The following ANKS1B variants were observed in gnomAD, a reference collection of about 807,000 sequenced individuals.
ANKS1B encodes the protein ankyrin repeat and sterile alpha motif domain containing 1B.
Under a neutral mutation model 148.3 loss-of-function variants are expected in ANKS1B, and 36 were observed. That is an observed-to-expected ratio of 0.24 (90% confidence interval 0.19 to 0.32). The LOEUF is 0.32. ANKS1B is among the 10% of genes least tolerant of loss of function. ANKS1B has a pLI of 1.00. For missense variants in ANKS1B, 1,157 were observed against 1,542.6 expected (o/e 0.75, Z 4.19); for synonymous variants, 542 against 560.8 (o/e 0.97, Z 0.47).
chr12:99,333,461 A>T (rs1388351522), intron 12 of ANKS1B, among the ~76,000 whole-genome samples: 1 of 152,066 alleles, frequency 6.6e-6, no homozygotes, highest in Non-Finnish European at 1.5e-5. Context: ...CTTCATTTTC[A>T]CATCCTAATA....
At chr12:98,738,091 G>A (rs570557233) in intron 9 of ANKS1B, among the ~76,000 whole-genome samples, 6 of 152,194 alleles carry the variant, frequency 3.9e-5, no homozygotes, top group East Asian at 3.9e-4. Flanking sequence ...ATGCTCACAC[G>A]AGAGGGGCAG....
At chr12:99,579,714 G>A (rs1165749527) in intron 9 of ANKS1B, among the ~76,000 whole-genome samples, 1 of 152,150 alleles carries the variant, frequency 6.6e-6, no homozygotes, top group African/African-American at 2.4e-5. Context: ...TGCTTGCAAA[G>A]TTACAGAGAA....
intron 8 of ANKS1B, among the ~76,000 whole-genome samples, chr12:99,736,386 A>T (rs1027063955): frequency 6.6e-6 from 1 of 152,092 alleles, no homozygotes; most frequent in African/African-American, 2.4e-5. Flanking sequence ...CTTCAAACTG[A>T]TAAATTCAGT....
chr12:99,453,147 A>C (rs960727353), intron 10 of ANKS1B, among the ~76,000 whole-genome samples: 3 of 151,956 alleles, frequency 2.0e-5, no homozygotes, highest in Non-Finnish European at 4.4e-5. Flanking sequence ...AAAATTAGCC[A>C]GGCGTGGTGG....
chr12:99,400,890 T>C (rs2094386326), intron 11 of ANKS1B, among the ~76,000 whole-genome samples: 1 of 145,494 alleles, frequency 6.9e-6, no homozygotes, highest in South Asian at 2.1e-4. Flanking sequence ...AATATTCAAA[T>C]TGCTGTCTCT....
chr12:99,118,688 C>T (rs1331776389), intron 15 of ANKS1B, among the ~76,000 whole-genome samples: 6 of 152,156 alleles, frequency 3.9e-5, no homozygotes, highest in African/African-American at 1.4e-4. Flanking sequence ...ATATTTCTAG[C>T]TCACTATCAA....
chr12:99,000,233 G>A (rs958129652), intron 17 of ANKS1B, among the ~76,000 whole-genome samples: 1 of 151,554 alleles, frequency 6.6e-6, no homozygotes, highest in Non-Finnish European at 1.5e-5. Flanking sequence ...GAGAAGTCAG[G>A]TGAAGGGCCT....
chr12:99,265,231 A>T (rs1361690676), intron 12 of ANKS1B, among the ~76,000 whole-genome samples: 2 of 152,166 alleles, frequency 1.3e-5, no homozygotes, highest in Non-Finnish European at 2.9e-5. Context: ...CTGAACACTT[A>T]TTAGAAATGA....
At chr12:98,805,304 G>A (rs2099041701) in intron 20 of ANKS1B, among the ~76,000 whole-genome samples, 1 of 25,122 alleles carries the variant, frequency 4.0e-5, no homozygotes, top group African/African-American at 1.5e-4. Context: ...GTATGCTTAA[G>A]GCCTTTTTTT....
At chr12:99,844,174 T>A (rs901198773) in intron 1 of ANKS1B, among the ~76,000 whole-genome samples, 1 of 152,160 alleles carries the variant, frequency 6.6e-6, no homozygotes, top group African/African-American at 2.4e-5. Context: ...ATTGCAAGAA[T>A]TTTCTCCCAT....
chr12:98,925,754 A>G (rs896250860), intron 17 of ANKS1B, among the ~76,000 whole-genome samples: 7 of 152,114 alleles, frequency 4.6e-5, no homozygotes, highest in Admixed American at 3.9e-4. Flanking sequence ...AGCTCCCCCA[A>G]AATTCCCATT....
intron 10 of ANKS1B, among the ~76,000 whole-genome samples, chr12:99,454,743 A>T (rs773427022): frequency 6.6e-6 from 1 of 152,206 alleles, no homozygotes; most frequent in Non-Finnish European, 1.5e-5. Context: ...AGGATTTATG[A>T]GAAATGCAGG....
intron 22 of ANKS1B, among the ~76,000 whole-genome samples, chr12:98,790,785 A>G (rs978114464): frequency 2.6e-5 from 4 of 152,212 alleles, no homozygotes; most frequent in Non-Finnish European, 4.4e-5. Flanking sequence ...GGTTGCAACA[A>G]TGAACTTTCA....
chr12:99,265,344 C>G (rs928936310), intron 12 of ANKS1B, among the ~76,000 whole-genome samples: 5 of 152,112 alleles, frequency 3.3e-5, no homozygotes, highest in African/African-American at 1.2e-4. Flanking sequence ...TATTCTTAGG[C>G]CTCACTTCAG....
intron 12 of ANKS1B, among the ~76,000 whole-genome samples, chr12:99,374,992 C>T (rs779398942): frequency 3.2e-4 from 49 of 152,132 alleles, no homozygotes; most frequent in Non-Finnish European, 6.6e-4. Context: ...CGGCTACCTC[C>T]CAATGGGACA....
chr12:99,568,157 T>G (rs148487777), intron 9 of ANKS1B, among the ~76,000 whole-genome samples: 7 of 152,358 alleles, frequency 4.6e-5, no homozygotes, highest in African/African-American at 1.7e-4. Context: ...GGACTAAAAG[T>G]GTCAGCAGGG....
At chr12:98,773,628 T>C (rs2098629687) in intron 24 of ANKS1B, among the ~76,000 whole-genome samples, 1 of 152,194 alleles carries the variant, frequency 6.6e-6, no homozygotes, top group African/African-American at 2.4e-5. Context: ...CTAATTTTTG[T>C]ATTTTTAGTA....
At chr12:98,991,666 C>T (rs995442608) in intron 17 of ANKS1B, among the ~76,000 whole-genome samples, 9 of 152,212 alleles carry the variant, frequency 5.9e-5, no homozygotes, top group African/African-American at 1.2e-4. Flanking sequence ...AACTACCCTA[C>T]GAAGCAGGTA....
At chr12:99,320,868 G>A (rs2154031347) in intron 12 of ANKS1B, among the ~76,000 whole-genome samples, 1 of 152,280 alleles carries the variant, frequency 6.6e-6, no homozygotes, top group South Asian at 2.1e-4. Context: ...GTGATGTGCA[G>A]ATGGGGTTTT....
Sources: allele counts gnomAD v4.1 joint callset (sites outside exome capture counted in the v4.1 genomes callset), GRCh38; gene constraint gnomAD v4.1.1; transcripts MANE v1.5; gene names NCBI Gene and HGNC (gene_info 2026-07-23, HGNC 2026-07-21).